Variants in CACNG4 observed in about 807,000 individuals in gnomAD.
CACNG4 encodes calcium voltage-gated channel auxiliary subunit gamma 4.
Under a neutral mutation model 22.9 loss-of-function variants are expected in CACNG4, and 8 were observed. That is an observed-to-expected ratio of 0.35 (90% CI 0.21 to 0.63). The LOEUF is 0.63. Among genes scored for constraint, CACNG4 ranks in the 30% least tolerant of loss-of-function variants. The pLI is 0.72. For missense variants in CACNG4, 357 were observed against 455.4 expected (o/e 0.78, Z 1.97); for synonymous variants, 188 against 191.9 (o/e 0.98, Z 0.17).
chr17:67,018,003 G>C (rs2035510427), intron 1 of CACNG4, among the ~76,000 whole-genome samples, 186 bp from the exon 2 acceptor site: 1 of 152,064 alleles, frequency 6.6e-6, no homozygotes, highest in African/African-American at 2.4e-5. Flanking sequence ...ATCTCTCCCG[G>C]TGTAGCCATT....
At chr17:66,996,017 G>A (rs2035372394) in intron 1 of CACNG4, among the ~76,000 whole-genome samples, 1 of 152,170 alleles carries the variant, frequency 6.6e-6, no homozygotes, top group Admixed American at 6.5e-5. Flanking sequence ...GGTTTTGAGT[G>A]TGGCCCGTTG....
At chr17:66,982,883 A>G (rs537386134) in intron 1 of CACNG4, among the ~76,000 whole-genome samples, 17 of 152,168 alleles carry the variant, frequency 1.1e-4, no homozygotes, top group Non-Finnish European at 2.4e-4. Flanking sequence ...TGTGGTTCCT[A>G]TTAGGTGCCA....
chr17:66,999,729 G>A (rs1483008590), intron 1 of CACNG4, among the ~76,000 whole-genome samples: 1 of 152,020 alleles, frequency 6.6e-6, no homozygotes, highest in African/African-American at 2.4e-5. Context: ...TCAATACCTG[G>A]GGATTACAGC....
At chr17:66,994,337 A>C (rs1373401070) in intron 1 of CACNG4, among the ~76,000 whole-genome samples, 1 of 151,510 alleles carries the variant, frequency 6.6e-6, no homozygotes, top group African/African-American at 2.4e-5. Flanking sequence ...CAAAAAAAAA[A>C]AAAAAAAACT....
At chr17:67,002,166 A>G (rs1354688648) in intron 1 of CACNG4, among the ~76,000 whole-genome samples, 1 of 152,256 alleles carries the variant, frequency 6.6e-6, no homozygotes, top group African/African-American at 2.4e-5. Flanking sequence ...TGATCATAGC[A>G]GAAGGCAAAG....
intron 1 of CACNG4, among the ~76,000 whole-genome samples, chr17:67,007,306 A>G (rs1189785487): frequency 6.6e-6 from 1 of 152,218 alleles, no homozygotes; most frequent in Non-Finnish European, 1.5e-5. Flanking sequence ...AGTCGTCCTC[A>G]TTTGCCCAAA....
At chr17:66,971,820 A>G (rs1422195047) in intron 1 of CACNG4, among the ~76,000 whole-genome samples, 1 of 152,168 alleles carries the variant, frequency 6.6e-6, no homozygotes, top group Non-Finnish European at 1.5e-5. Context: ...GGAGGCTCTG[A>G]GGTCAGGGTC....
chr17:66,992,601 GC>G (rs2035347945), intron 1 of CACNG4, among the ~76,000 whole-genome samples: 1 of 152,298 alleles, frequency 6.6e-6, no homozygotes, highest in African/African-American at 2.4e-5. Flanking sequence ...GCCCATGTGG[GC>G]CCCTTCGAGG....
chr17:67,018,052 G>A (rs1012674603), intron 1 of CACNG4, 137 bp from the exon 2 acceptor site: 6 of 662,404 alleles, frequency 9.1e-6, no homozygotes, highest in African/African-American at 8.9e-5. Flanking sequence ...AGACTGGAAC[G>A]CTGGAGCCTG....
In CACNG4 at chr17:66,964,809, TCGGCCCC is replaced by T. The variant is rs1397088867; in HGVS notation, c.-101_-95del. On this transcript the variant is annotated 5_prime_UTR_variant, in exon 1 of 4. Transcript: ENST00000262138. The stretch of plus-strand genomic sequence containing the variant: ...GCAGCGCGGCGCCGCCCCCCGGCCC[TCGGCCCC>T]CCAACCCCGGCGCCCCCGGAGCGGC... 3 of 350,358 alleles carry T rather than the reference TCGGCCCC, an allele frequency of 8.6e-6. No homozygotes were observed. The highest frequency in any genetic ancestry group is 2.1e-4 in the East Asian group (1 of 4,762). 21.7% of individuals were successfully genotyped at this position (350,358 alleles called of 1,614,324 possible). A position where few individuals can be genotyped will look rare whatever the true frequency, so the allele number is the denominator to read the frequency against.
chr17:66,977,970 C>T (rs552326870), intron 1 of CACNG4, among the ~76,000 whole-genome samples: 58 of 152,252 alleles, frequency 3.8e-4, no homozygotes, highest in African/African-American at 1.3e-3. Flanking sequence ...TCCTCCCGGA[C>T]GCCCTAAGGA....
chr17:67,011,510 G>A (rs1050707313), intron 1 of CACNG4, among the ~76,000 whole-genome samples: 5 of 152,126 alleles, frequency 3.3e-5, no homozygotes, highest in Admixed American at 6.5e-5. Flanking sequence ...TCAACAGCCC[G>A]CCTTGCCCTG....
intron 2 of CACNG4, among the ~76,000 whole-genome samples, chr17:67,024,268 G>A (rs979181434): frequency 3.3e-5 from 5 of 152,218 alleles, no homozygotes. Context: ...CACCTTACAT[G>A]TACAAAACCA....
intron 3 of CACNG4, among the ~76,000 whole-genome samples, chr17:67,029,852 A>G (rs1329315866): frequency 6.6e-6 from 1 of 152,220 alleles, no homozygotes; most frequent in Non-Finnish European, 1.5e-5. Context: ...AAGTGTTTCA[A>G]TGCACATGGC....
In CACNG4 at chr17:67,024,909, C is replaced by T. The variant is rs9911891; in HGVS notation, c.354C>T (p.Leu118=). 1,587 of 1,605,600 alleles carry T rather than the reference C, an allele frequency of 9.9e-4. 21 individuals are homozygous for T. The African/African-American group carries it at 0.019, about 19-fold the overall frequency. ...TCCCCATCCTCAGCACCATCCTGCT[C>T]CTGCTGGGTGGCCTGTGCATCGGTG... is the stretch of plus-strand genomic sequence containing the variant. ...SVFPILSTIL[L]LLGGLCIGAG... Residue 118 remains leucine, a synonymous_variant, in exon 3 of 4, where the codon CTC becomes CTT. Transcript: ENST00000262138.
chr17:67,016,068 G>C (rs2035495525), intron 1 of CACNG4, among the ~76,000 whole-genome samples: 2 of 151,988 alleles, frequency 1.3e-5, no homozygotes, highest in South Asian at 4.2e-4. Flanking sequence ...AGCCACTCAT[G>C]AAGGAGCGAG....
At chr17:67,008,219 C>A (rs1381897384) in intron 1 of CACNG4, among the ~76,000 whole-genome samples, 6 of 152,146 alleles carry the variant, frequency 3.9e-5, no homozygotes, top group African/African-American at 1.4e-4. Context: ...GAAGCTAGGG[C>A]TCCCTGAGAA....
intron 1 of CACNG4, among the ~76,000 whole-genome samples, chr17:67,016,122 G>A (rs1417742312): frequency 6.6e-6 from 1 of 152,148 alleles, no homozygotes; most frequent in African/African-American, 2.4e-5. Flanking sequence ...CCCCAACTCT[G>A]AGCCACCACC....
intron 1 of CACNG4, among the ~76,000 whole-genome samples, chr17:67,010,376 G>A (rs1335078995): frequency 6.6e-6 from 1 of 152,116 alleles, no homozygotes; most frequent in Non-Finnish European, 1.5e-5. Context: ...CACACAGAAC[G>A]TCTTGGAGCT....
Sources: allele counts gnomAD v4.1 joint callset (sites outside exome capture counted in the v4.1 genomes callset), GRCh38; gene constraint gnomAD v4.1.1; transcripts MANE v1.5; gene names NCBI Gene and HGNC (gene_info 2026-07-23, HGNC 2026-07-21).